EIF4EBP3: variants seen among roughly 807,000 people sequenced by gnomAD.
EIF4EBP3 encodes the protein eukaryotic translation initiation factor 4E binding protein 3, also known as eukaryotic translation initiation factor 4E-binding protein 3.
Under a neutral mutation model 12.1 loss-of-function variants are expected in EIF4EBP3, and 11 were observed. The observed-to-expected ratio is 0.91, with a 90% CI of 0.57 to 1.51. The LOEUF (loss-of-function observed/expected upper bound fraction) is 1.51, where lower values mean the gene tolerates loss of function less well. Among genes scored for constraint, EIF4EBP3 ranks in the 40% most tolerant of loss-of-function variants. The pLI is 0.00. For synonymous variants in EIF4EBP3, 43 were observed against 54.2 expected (o/e 0.79, Z 0.91); for missense variants, 136 against 131.8 (o/e 1.03, Z -0.16).
At chr5:140,548,757 C>T in intron 1 of EIF4EBP3, 149 bp from the exon 2 acceptor site, 1 of 1,150,200 alleles carries the variant, frequency 8.7e-7, no homozygotes, top group Non-Finnish European at 1.2e-6. Context: ...TGCTGAGAAC[C>T]TAGCTGGGCT....
At chr5:140,547,944 G>A in intron 1 of EIF4EBP3, 104 bp downstream of exon 1, 1 of 933,780 alleles carries the variant, frequency 1.1e-6, no homozygotes, top group Non-Finnish European at 1.5e-6. Context: ...TTGTCCGCAG[G>A]CCCCTCTACA....
chr5:140,548,848 C>T lies in EIF4EBP3; in HGVS notation c.104-58C>T. 1.9e-6 allele frequency: 3 copies of T among 1,556,332 alleles called. No individual in the cohort carries two copies. In the South Asian group the frequency reaches 3.6e-5, roughly 19 times the overall value. ...GCCCCAAAAGGCCTGAGTCTGGGAC[C>T]CCAGTCACCTCGGTACCCAAGCTCC... On this transcript the variant is annotated intron_variant, in intron 1 of 2. Coordinates refer to ENST00000310331, the MANE Select transcript of EIF4EBP3 (RefSeq NM_003732.3).
chr5:140,547,841 G>A lies in EIF4EBP3; in HGVS notation c.103+1G>A. The A allele has an allele frequency of 6.9e-7, 1 of 1,443,964 alleles. No individual in the cohort carries two copies. The highest frequency in any genetic ancestry group is 9.1e-7 in the Non-Finnish European group (1 of 1,094,458). The allele number at this position is 1,443,964 out of a possible 1,614,324, so 89.4% of individuals were successfully genotyped here. A position where few individuals can be genotyped will look rare whatever the true frequency, so the allele number is the denominator to read the frequency against. On this transcript the variant is annotated splice_donor_variant, in intron 1 of 2. Coordinates refer to ENST00000310331, the MANE Select transcript of EIF4EBP3 (RefSeq NM_003732.3). LOFTEE classifies it high-confidence loss of function. ...ACGCTATACGCCACTACCCCCGGAG[G>A]TCAGCGGGCCGGGCAGGGGTCCGCA...
In EIF4EBP3 at chr5:140,549,252, T is replaced by C. The variant is rs758523429; in HGVS notation, c.293T>C (p.Met98Thr). 6.2e-7 allele frequency: 1 copy of C among 1,614,172 alleles called. No homozygotes were observed. Among genetic ancestry groups the C allele is most frequent in the South Asian group, 1.1e-5 (1 of 91,090 alleles). ...EEIPDDAQFE[M>T]DI is the part of the protein sequence containing the mutation. ...TCTCCAGATGACGCACAATTTGAAA[T>C]GGACATCTAATCCAGTGCAGATGAC... The change falls in exon 3 of 3, where the codon ATG (methionine) becomes ACG (threonine). Residue 98 changes from methionine to threonine, a missense_variant. Met to Thr is a moderately conservative substitution (Grantham distance 81). Coordinates refer to ENST00000310331, the MANE Select transcript of EIF4EBP3 (RefSeq NM_003732.3).
chr5:140,548,851 A>C (rs1474716480), intron 1 of EIF4EBP3, 55 bp from the exon 2 acceptor site: 7 of 1,559,864 alleles, frequency 4.5e-6, no homozygotes, highest in Non-Finnish European at 6.1e-6. Flanking sequence ...CTGGGACCCC[A>C]GTCACCTCGG....
chr5:140,547,825 G>T lies in EIF4EBP3; in HGVS notation c.88G>T (p.Ala30Ser). The T allele has an allele frequency of 6.7e-7, 1 of 1,486,778 alleles. No homozygotes were observed. Among genetic ancestry groups the T allele is most frequent in the Non-Finnish European group, 9.0e-7 (1 of 1,114,480 alleles). 92.1% of individuals were successfully genotyped at this position (1,486,778 alleles called of 1,614,324 possible). ...CACCACGCCGGGGGGCACGCTATACGCCACTACCCCCGGAGGTCAGCGGGC... is the reference window on the plus strand; with the variant it reads ...CACCACGCCGGGGGGCACGCTATACTCCACTACCCCCGGAGGTCAGCGGGC... The part of the protein sequence containing the change: ...YSTTPGGTLY[A>S]TTPGGTRIIY... The change falls in exon 1 of 3, where the codon GCC becomes TCC. Residue 30 changes from alanine (A) to serine (S), a missense_variant. Ala to Ser is a moderately conservative substitution (Grantham distance 99, BLOSUM62 1). Transcript: ENST00000310331.
At position 140,548,927 on chromosome 5, in the gene EIF4EBP3, G is replaced by A. The variant is rs372726703; in HGVS notation, c.125G>A (p.Arg42Gln). 49 of 1,613,738 alleles carry A rather than the reference G, an allele frequency of 3.0e-5. No homozygotes were observed. Among genetic ancestry groups the A allele is most frequent in the African/African-American group, 2.8e-4 (21 of 74,872 alleles). ...ACAGGCACCAGGATCATCTACGACC[G>A]AAAGTTCCTGCTGGAGTGCAAGAAC... is the stretch of plus-strand genomic sequence containing the variant. ...TPGGTRIIYDRKFLLECKNSP... is the reference protein window; with the variant it reads ...TPGGTRIIYDQKFLLECKNSP... Residue 42 changes from arginine to glutamine, a missense_variant, in exon 2 of 3, where the codon CGA becomes CAA. Arg to Gln is a conservative substitution (Grantham distance 43). Transcript: ENST00000310331.
At chr5:140,548,702 A>T (rs1754444398) in intron 1 of EIF4EBP3, among the ~76,000 whole-genome samples, 1 of 152,028 alleles carries the variant, frequency 6.6e-6, no homozygotes, top group African/African-American at 2.4e-5. Flanking sequence ...TTATACCCAC[A>T]TCTTGGTTAG....
At chr5:140,547,936 G>C (rs1327005278) in intron 1 of EIF4EBP3, 96 bp downstream of exon 1, 12 of 1,001,304 alleles carry the variant, frequency 1.2e-5, no homozygotes, top group Non-Finnish European at 1.6e-5. Context: ...CCTAAGACTT[G>C]TCCGCAGGCC....
At chr5:140,548,278 C>G (rs1467444844) in intron 1 of EIF4EBP3, among the ~76,000 whole-genome samples, 2 of 152,214 alleles carry the variant, frequency 1.3e-5, no homozygotes, top group Non-Finnish European at 2.9e-5. Flanking sequence ...CCTGGGATCA[C>G]GAGCTGCTGG....
chr5:140,548,580 G>C (rs1211612750), intron 1 of EIF4EBP3, among the ~76,000 whole-genome samples: 1 of 152,146 alleles, frequency 6.6e-6, no homozygotes, highest in Non-Finnish European at 1.5e-5. Context: ...AGTGGTAGAG[G>C]AGCAGCATGA....
intron 1 of EIF4EBP3, 127 bp downstream of exon 1, chr5:140,547,967 G>A (rs1415447078): frequency 8.2e-6 from 6 of 734,392 alleles, no homozygotes; most frequent in Non-Finnish European, 1.2e-5. Context: ...TTGTAGCTTT[G>A]GGGGAGAATG....
chr5:140,547,767 C>T lies in EIF4EBP3; in HGVS notation c.30C>T (p.Pro10=). Residue 10 remains proline, a synonymous_variant, in exon 1 of 3, where the codon CCC becomes CCT. Transcript: ENST00000310331. ...CAACGTCCACTAGCTGCCCGATTCC[C>T]GGGGGCCGGGACCAGCTGCCCGACT... MSTSTSCPI[P]GGRDQLPDCY... is the part of the protein sequence containing the mutation. 6.5e-7 allele frequency: 1 copy of T among 1,543,028 alleles called. No individual in the cohort carries two copies. Among genetic ancestry groups the T allele is most frequent in the Non-Finnish European group, 8.8e-7 (1 of 1,142,822 alleles).
At chr5:140,548,839 G>A in intron 1 of EIF4EBP3, 67 bp from the exon 2 acceptor site, 1 of 1,548,816 alleles carries the variant, frequency 6.5e-7, no homozygotes, top group Non-Finnish European at 8.7e-7. Flanking sequence ...AAAGGCCTGA[G>A]TCTGGGACCC....
At chr5:140,547,861 T>C (rs1387112853) in intron 1 of EIF4EBP3, 21 bp downstream of exon 1, 1 of 1,418,082 alleles carries the variant, frequency 7.1e-7, no homozygotes, top group South Asian at 1.5e-5. Flanking sequence ...CGGGCAGGGG[T>C]CCGCAGGCTG....
intron 1 of EIF4EBP3, among the ~76,000 whole-genome samples, chr5:140,548,076 T>G (rs1467574249): frequency 6.6e-6 from 1 of 152,236 alleles, no homozygotes; most frequent in East Asian, 1.9e-4. Context: ...CACTGTGGCC[T>G]GGGTTCTTGG....
chr5:140,548,974 C>T lies in EIF4EBP3; in HGVS notation c.172C>T (p.Pro58Ser), dbSNP rs760938140. The change falls in exon 2 of 3, where the codon CCC becomes TCC. Residue 58 changes from proline (P) to serine (S), a missense_variant. Physicochemically the swap from Pro to Ser is moderately conservative, Grantham distance 74 (BLOSUM62 -1). Transcript: ENST00000310331. Reference protein sequence around the residue: ...CKNSPIARTPPCCLPQIPGVT... With the variant: ...CKNSPIARTPSCCLPQIPGVT... The stretch of plus-strand genomic sequence containing the variant: ...GAACTCACCCATTGCCCGGACACCC[C>T]CCTGCTGCCTCCCTCAGATTCCCGG... The T allele has an allele frequency of 3.1e-6, 5 of 1,614,060 alleles. No individual in the cohort carries two copies. The African/African-American group carries it at 6.7e-5, about 22-fold the overall frequency.
chr5:140,548,860 G>C (rs769547715), intron 1 of EIF4EBP3, 46 bp from the exon 2 acceptor site: 1 of 1,574,620 alleles, frequency 6.4e-7, no homozygotes, highest in Admixed American at 1.8e-5. Context: ...CAGTCACCTC[G>C]GTACCCAAGC....
intron 1 of EIF4EBP3, 70 bp downstream of exon 1, chr5:140,547,910 G>A: frequency 1.4e-5 from 17 of 1,250,724 alleles, no homozygotes; most frequent in Non-Finnish European, 1.8e-5. Flanking sequence ...CGGGGCGGGG[G>A]TAGGGGAGGG....
Sources: gnomAD v4.1 joint callset for allele counts (sites outside exome capture counted in the v4.1 genomes callset) on GRCh38, gnomAD v4.1.1 for gene constraint, MANE v1.5 for transcripts, NCBI Gene and HGNC (gene_info 2026-07-23, HGNC 2026-07-21) for gene names.